NAA35: variants seen among roughly 807,000 people sequenced by gnomAD.
NAA35 encodes MAK10 homolog, amino-acid N-acetyltransferase subunit.
A neutral mutation model predicts 101.7 loss-of-function variants in NAA35; 18 were observed. The observed-to-expected ratio is 0.18, with a 90% CI of 0.12 to 0.26. The LOEUF (loss-of-function observed/expected upper bound fraction) is 0.26. Ranked by LOEUF, NAA35 falls within the 10% of genes least tolerant of loss-of-function variation. NAA35 has a pLI of 1.00. For missense variants in NAA35, 601 were observed against 886.8 expected, an observed-to-expected ratio of 0.68 and a Z score of 4.09; for synonymous variants, 267 against 273.1, an observed-to-expected ratio of 0.98 and a Z score of 0.22.
At chr9:85,952,990 A>G (rs550727670) in intron 2 of NAA35, among the ~76,000 whole-genome samples, 1 of 152,326 alleles carries the variant, frequency 6.6e-6, no homozygotes, top group South Asian at 2.1e-4. Flanking sequence ...GCGGCAGATC[A>G]CTAGAGCCCA....
At chr9:86,009,608 C>G (rs1831809201) in intron 14 of NAA35, among the ~76,000 whole-genome samples, 1 of 152,136 alleles carries the variant, frequency 6.6e-6, no homozygotes, top group Non-Finnish European at 1.5e-5. Context: ...TTTCTCTTTG[C>G]TAATTTGATC....
intron 5 of NAA35, among the ~76,000 whole-genome samples, 191 bp from the exon 6 acceptor site, chr9:85,961,822 C>T (rs1301333137): frequency 1.3e-5 from 2 of 151,940 alleles, no homozygotes; most frequent in Non-Finnish European, 2.9e-5. Flanking sequence ...GATTGATGTA[C>T]GACAATGATT....
chr9:86,004,175 G>A (rs1466999604), intron 13 of NAA35, among the ~76,000 whole-genome samples: 1 of 152,136 alleles, frequency 6.6e-6, no homozygotes, highest in Non-Finnish European at 1.5e-5. Context: ...CATGCTCTTG[G>A]CTAACTGCAA....
intron 1 of NAA35, 133 bp downstream of exon 1, chr9:85,941,406 G>A (rs1828505725): frequency 3.0e-6 from 3 of 985,266 alleles, no homozygotes; most frequent in African/African-American, 3.5e-5. Flanking sequence ...TGCGCGTCAG[G>A]TAGGAGCGGC....
chr9:85,952,414 T>G (rs868220716), intron 2 of NAA35, among the ~76,000 whole-genome samples: 42 of 151,910 alleles, frequency 2.8e-4, no homozygotes, highest in African/African-American at 6.8e-4. Flanking sequence ...GCCTCCCGAG[T>G]AGCTGGGATT....
chr9:85,985,531 A>G (rs1244943416), intron 11 of NAA35, among the ~76,000 whole-genome samples: 2 of 152,176 alleles, frequency 1.3e-5, no homozygotes, highest in African/African-American at 4.8e-5. Flanking sequence ...AAAATGTCCA[A>G]AGTTGGCAAA....
At chr9:86,018,641 G>A in intron 20 of NAA35, 58 bp from the exon 21 acceptor site, 2 of 1,563,998 alleles carry the variant, frequency 1.3e-6, no homozygotes, top group East Asian at 2.3e-5. Flanking sequence ...ATTAGAAATG[G>A]GATTTTAGAG....
At chr9:85,993,226 G>T (rs1831000380) in intron 11 of NAA35, among the ~76,000 whole-genome samples, 1 of 152,224 alleles carries the variant, frequency 6.6e-6, no homozygotes, top group African/African-American at 2.4e-5. Flanking sequence ...AGACTGGGGT[G>T]CAGTGGCGCA....
chr9:85,977,506 G>A (rs1830265999), intron 10 of NAA35, 60 bp downstream of exon 10: 2 of 1,202,646 alleles, frequency 1.7e-6, no homozygotes, highest in Admixed American at 3.4e-5. Flanking sequence ...GAATTCCTGA[G>A]TGAAGCAGTT....
chr9:86,017,525 T>G lies in NAA35; in HGVS notation c.1733T>G (p.Met578Arg), dbSNP rs1329837849. Residue 578 changes from methionine (M) to arginine (R), a missense_variant, in exon 19 of 23, where the codon ATG (methionine) becomes AGG (arginine). Met to Arg is a moderately conservative substitution (Grantham distance 91). Coordinates refer to ENST00000361671, the MANE Select transcript of NAA35 (RefSeq NM_024635.4). ...CGCCCATTGAGCCGAGAGATCACAATGAGCCAAGCATATCAGAACATGTGT... is the reference window on the plus strand; with the variant it reads ...CGCCCATTGAGCCGAGAGATCACAAGGAGCCAAGCATATCAGAACATGTGT... ...KVRPLSREIT[M>R]SQAYQNMCAG... 2 of 1,613,770 alleles carry G rather than the reference T, an allele frequency of 1.2e-6. No homozygotes were observed. The highest frequency in any genetic ancestry group is 2.7e-5 in the African/African-American group (2 of 74,944).
intron 15 of NAA35, among the ~76,000 whole-genome samples, chr9:86,011,329 G>T (rs1831909392): frequency 6.6e-6 from 1 of 151,640 alleles, no homozygotes; most frequent in Non-Finnish European, 1.5e-5. Flanking sequence ...GTAGTGAGTT[G>T]AATTATTCAT....
Position 85,941,174 on chromosome 9 carries a change from G to C in NAA35, c.-105G>C. The C allele has an allele frequency of 7.1e-6, 7 of 986,444 alleles. No homozygotes were observed. The highest frequency in any genetic ancestry group is 8.4e-6 in the Non-Finnish European group (7 of 830,508). The allele number at this position is 986,444 out of a possible 1,614,324, so 61.1% of individuals were successfully genotyped here. A position where few individuals can be genotyped will look rare whatever the true frequency, so the allele number is the denominator to read the frequency against. On this transcript the variant is annotated 5_prime_UTR_variant, in exon 1 of 23. Coordinates refer to ENST00000361671, the MANE Select transcript of NAA35 (RefSeq NM_024635.4). ...CGCATGCGTGCACGCTGCCGGTCGG[G>C]CTGGGCTGAGAGGGGAGGGGGCGGC...
intron 2 of NAA35, among the ~76,000 whole-genome samples, chr9:85,944,920 A>G (rs1398318525): frequency 6.6e-6 from 1 of 152,230 alleles, no homozygotes; most frequent in East Asian, 1.9e-4. Flanking sequence ...ACAGGTCGGC[A>G]GAATTTAGTC....
rs138043991 is a variant in NAA35 at position 86,009,929 on chromosome 9, C to T, written c.1288C>T (p.Arg430Trp). The change falls in exon 15 of 23, where the codon CGG becomes TGG. Residue 430 changes from arginine to tryptophan, a missense_variant and splice_region_variant. Around this residue, in one of 8 missense-constraint regions of NAA35, gnomAD observed 190 missense variants for 223.1 expected, o/e 0.85. Coordinates refer to ENST00000361671, the MANE Select transcript of NAA35 (RefSeq NM_024635.4). Reference protein sequence around the residue: ...CIDSFVTHCVRPFCSLIQIHG... With the variant: ...CIDSFVTHCVWPFCSLIQIHG... Reference sequence around the variant, plus strand: ...CGACTCCTTTGTTACTCACTGTGTTCGGGTAAGAGCTACAATTTGGATTGT... The same window carrying T: ...CGACTCCTTTGTTACTCACTGTGTTTGGGTAAGAGCTACAATTTGGATTGT... 13 of 1,610,966 alleles carry T rather than the reference C, an allele frequency of 8.1e-6. No individual in the cohort carries two copies. The highest frequency in any genetic ancestry group is 6.7e-5 in the African/African-American group (5 of 74,806).
Position 86,020,916 on chromosome 9 carries a change from C to A in NAA35, c.2065C>A (p.Pro689Thr). 6.2e-7 allele frequency: 1 copy of A among 1,613,250 alleles called. No homozygotes were observed. Among genetic ancestry groups the A allele is most frequent in the Non-Finnish European group, 8.5e-7 (1 of 1,179,532 alleles). ...TAATAGAATTTTAAAGGTTGCCAAA[C>A]CCAACTTTGTGGTTATGAAGTTATT... Reference protein sequence around the residue: ...EVNRILKVAKPNFVVMKLLAG... With the variant: ...EVNRILKVAKTNFVVMKLLAG... The change falls in exon 22 of 23, where the codon CCC becomes ACC. Residue 689 changes from proline (P) to threonine (T), a missense_variant. Around this residue, in one of 8 missense-constraint regions of NAA35, gnomAD observed 21 missense variants for 51.4 expected, o/e 0.41. Transcript: ENST00000361671.
chr9:85,991,468 G>T (rs1830909838), intron 11 of NAA35, among the ~76,000 whole-genome samples: 1 of 152,076 alleles, frequency 6.6e-6, no homozygotes, highest in Admixed American at 6.6e-5. Context: ...GGGGGGAAGA[G>T]GCTGTCCAGG....
chr9:85,945,630 T>C (rs1828727989), intron 2 of NAA35, among the ~76,000 whole-genome samples: 1 of 151,932 alleles, frequency 6.6e-6, no homozygotes, highest in Non-Finnish European at 1.5e-5. Flanking sequence ...GCCATTCTCC[T>C]GCCTCAGCCT....
intron 2 of NAA35, among the ~76,000 whole-genome samples, chr9:85,943,592 G>A (rs993803453): frequency 2.6e-5 from 4 of 152,144 alleles, no homozygotes; most frequent in Admixed American, 2.0e-4. Context: ...TGGAAAGGAC[G>A]TAAGACTGGG....
chr9:85,995,916 G>GCAA (rs1404374318), intron 11 of NAA35, among the ~76,000 whole-genome samples: 2 of 152,124 alleles, frequency 1.3e-5, no homozygotes, highest in Non-Finnish European at 1.5e-5. Context: ...GCTCATTGAG[G>GCAA]GTTGAGGGCA....
Sources: allele counts gnomAD v4.1 joint callset (sites outside exome capture counted in the v4.1 genomes callset), GRCh38; gene constraint gnomAD v4.1.1; regional missense constraint gnomAD v4.1.1; transcripts MANE v1.5; gene names NCBI Gene and HGNC (gene_info 2026-07-23, HGNC 2026-07-21).